ARHGAP21: variants seen among roughly 807,000 people sequenced by gnomAD.
ARHGAP21 encodes Rho GTPase activating protein 21, also known as rho GTPase-activating protein 21.
In ARHGAP21, 38 loss-of-function variants were observed where a neutral mutation model predicts 164.6. That is an observed-to-expected ratio of 0.23 (90% CI 0.18 to 0.30). The LOEUF is 0.30. ARHGAP21 is among the 10% of genes least tolerant of loss of function. The pLI, the probability that ARHGAP21 is intolerant of heterozygous loss-of-function variation, is 1.00. For missense variants in ARHGAP21, 1,822 were observed against 2,370.7 expected, an observed-to-expected ratio of 0.77 and a Z score of 4.81; for synonymous variants, 766 against 857.9, an observed-to-expected ratio of 0.89 and a Z score of 1.87.
intron 4 of ARHGAP21, among the ~76,000 whole-genome samples, chr10:24,664,777 T>G (rs1345715418): frequency 6.6e-6 from 1 of 152,086 alleles, no homozygotes; most frequent in East Asian, 1.9e-4. Flanking sequence ...TGTTATCTTC[T>G]CCAGCAGATT....
rs772618504 is a variant in ARHGAP21, at chr10:24,607,868, C to T, written c.2458G>A (p.Ala820Thr). Residue 820 changes from alanine (A) to threonine (T), a missense_variant, in exon 10 of 26, where the codon GCA (alanine) becomes ACA (threonine). Ala to Thr is a moderately conservative substitution (Grantham distance 58). This residue lies in a region of ARHGAP21 where 1,090 missense variants were observed against 1,378.9 expected (regional missense o/e 0.79). Coordinates refer to ENST00000396432, the MANE Select transcript of ARHGAP21 (RefSeq NM_020824.4). ...PTSPSIDHDI[A>T]HIPASAVISA... ...ATAACAGCAGAGGCAGGGATATGTG[C>T]AATATCATGATCAATGCTAGGGCTA... The T allele has an allele frequency of 7.4e-6, 12 of 1,613,496 alleles. No homozygotes were observed. Among genetic ancestry groups the T allele is most frequent in the Non-Finnish European group, 1.0e-5 (12 of 1,179,822 alleles).
chr10:24,595,204 C>G lies in ARHGAP21; in HGVS notation c.3713-14G>C. 1 of 1,599,086 alleles carries G rather than the reference C, an allele frequency of 6.3e-7. No individual in the cohort carries two copies. Among genetic ancestry groups the G allele is most frequent in the Non-Finnish European group, 8.5e-7 (1 of 1,171,600 alleles). On this transcript the variant is annotated splice_polypyrimidine_tract_variant and intron_variant, in intron 19 of 25. Coordinates refer to ENST00000396432, the MANE Select transcript of ARHGAP21 (RefSeq NM_020824.4). ...CAGCATATTTATCTGACGACAAGAA[C>G]AATAAAACAAATTTATCTTAAATTG... is the stretch of plus-strand genomic sequence containing the variant.
chr10:24,596,641 T>C (rs969208126), intron 17 of ARHGAP21, 99 bp downstream of exon 17: 20 of 1,509,122 alleles, frequency 1.3e-5, no homozygotes, highest in Non-Finnish European at 1.6e-5. Flanking sequence ...GAAAACAGAT[T>C]GACAGTCTCT....
intron 4 of ARHGAP21, among the ~76,000 whole-genome samples, chr10:24,650,753 C>T (rs1263486047): frequency 1.3e-5 from 2 of 152,100 alleles, no homozygotes; most frequent in East Asian, 1.9e-4. Flanking sequence ...AAAAGCTAGA[C>T]GATGTATAAC....
intron 24 of ARHGAP21, chr10:24,590,248 A>G (rs2076274322): frequency 6.7e-7 from 1 of 1,481,522 alleles, no homozygotes; most frequent in African/African-American, 1.4e-5. Flanking sequence ...ATAACAAGAA[A>G]CAGCAGAAAA....
chr10:24,708,432 T>C (rs897945094), intron 2 of ARHGAP21, among the ~76,000 whole-genome samples: 3 of 152,246 alleles, frequency 2.0e-5, no homozygotes, highest in African/African-American at 7.2e-5. Flanking sequence ...AACTCTATTA[T>C]TATTATTTGT....
intron 2 of ARHGAP21, among the ~76,000 whole-genome samples, chr10:24,675,214 A>C (rs1841096933): frequency 6.6e-6 from 1 of 152,248 alleles, no homozygotes; most frequent in African/African-American, 2.4e-5. Flanking sequence ...TGACACAGCC[A>C]AACAACAGAA....
At chr10:24,604,592 G>C (rs2076948836) in intron 11 of ARHGAP21, among the ~76,000 whole-genome samples, 2 of 151,920 alleles carry the variant, frequency 1.3e-5, no homozygotes. Context: ...TGAAGTGTGG[G>C]ATTTTCTTTT....
rs1277959947 is a variant in ARHGAP21, at chr10:24,667,000, TTTC to T, written c.250_252del (p.Glu84del). 7.0e-7 allele frequency: 1 copy of T among 1,419,804 alleles called. No individual in the cohort carries two copies. The highest frequency in any genetic ancestry group is 9.7e-7 in the Non-Finnish European group (1 of 1,034,104). The allele number at this position is 1,419,804 out of a possible 1,614,324, so 88.0% of individuals were successfully genotyped here. The stretch of plus-strand genomic sequence containing the variant: ...TATAGCATACCTCCTCTGTTTCCAT[TTTC>T]TTCATCCTACAAATGAAAATATATA... On this transcript the variant is annotated inframe_deletion, in exon 4 of 26. Transcript: ENST00000396432.
At chr10:24,684,012 C>T (rs374727007) in intron 2 of ARHGAP21, among the ~76,000 whole-genome samples, 2 of 152,320 alleles carry the variant, frequency 1.3e-5, no homozygotes, top group South Asian at 4.1e-4. Flanking sequence ...CTAGGCCAGG[C>T]ATGGTGGCTC....
rs550671174 is a variant in ARHGAP21 at position 24,706,033 on chromosome 10, T to A, written c.63+15804A>T. Among the ~76,000 whole-genome samples, 7 of 152,190 alleles carry A rather than the reference T, an allele frequency of 4.6e-5. No individual in the cohort carries two copies. In the South Asian group the frequency reaches 1.5e-3, roughly 32 times the overall value. On this transcript the variant is annotated intron_variant, in intron 2 of 25. Transcript: ENST00000396432. The stretch of plus-strand genomic sequence containing the variant: ...AACCATTTTCTAAACAGACTAGTAA[T>A]CAAAAAAGTTTTAAAAAGTACTTCC...
intron 2 of ARHGAP21, among the ~76,000 whole-genome samples, chr10:24,678,254 A>C (rs1184222403): frequency 6.6e-6 from 1 of 152,182 alleles, no homozygotes; most frequent in Non-Finnish European, 1.5e-5. Flanking sequence ...CGTGTTATTC[A>C]TATTTCTCCA....
In ARHGAP21 at chr10:24,619,603, C is replaced by G. The variant is rs1393983534; in HGVS notation, c.2292G>C (p.Glu764Asp). 1.2e-6 allele frequency: 2 copies of G among 1,614,160 alleles called. No individual in the cohort carries two copies. The highest frequency in any genetic ancestry group is 2.2e-5 in the East Asian group (1 of 44,868). The change falls in exon 9 of 26, where the codon GAG (glutamate) becomes GAC (aspartate). Residue 764 changes from glutamate to aspartate, a missense_variant. Coordinates refer to ENST00000396432, the MANE Select transcript of ARHGAP21 (RefSeq NM_020824.4). ...QSYILAVNDQ[E>D]TGSDTTCWLP... ...GCCAGCAGGTAGTGTCTGACCCGGT[C>G]TCCTGGTCATTTACTGCCAAGATGT...
chr10:24,637,217 T>A (rs1343288877), intron 4 of ARHGAP21, among the ~76,000 whole-genome samples: 15 of 152,250 alleles, frequency 9.9e-5, no homozygotes, highest in Admixed American at 9.8e-4. Context: ...CTCTGCTGTA[T>A]TCAAGTAGAC....
intron 3 of ARHGAP21, among the ~76,000 whole-genome samples, chr10:24,667,941 A>G (rs544796660): frequency 2.6e-4 from 40 of 152,354 alleles, no homozygotes; most frequent in African/African-American, 9.4e-4. Context: ...ATTCCAATAT[A>G]TATTTTCCAT....
At chr10:24,623,280 T>C (rs1447382718) in intron 7 of ARHGAP21, among the ~76,000 whole-genome samples, 1 of 152,220 alleles carries the variant, frequency 6.6e-6, no homozygotes, top group East Asian at 1.9e-4. Flanking sequence ...AATGACTTCT[T>C]TTAAGTAAGT....
intron 4 of ARHGAP21, among the ~76,000 whole-genome samples, chr10:24,637,217 T>C (rs1343288877): frequency 6.6e-6 from 1 of 152,368 alleles, no homozygotes; most frequent in East Asian, 1.9e-4. Flanking sequence ...CTCTGCTGTA[T>C]TCAAGTAGAC....
At chr10:24,663,778 CT>C (rs1171867348) in intron 4 of ARHGAP21, among the ~76,000 whole-genome samples, 1 of 152,182 alleles carries the variant, frequency 6.6e-6, no homozygotes, top group Non-Finnish European at 1.5e-5. Context: ...ATCTGCCCGC[CT>C]CAGCCTTCCA....
intron 4 of ARHGAP21, among the ~76,000 whole-genome samples, chr10:24,656,546 G>A (rs1438167376): frequency 9.2e-5 from 7 of 76,224 alleles, no homozygotes; most frequent in South Asian, 5.6e-4. Flanking sequence ...CCGGCCAGCC[G>A]CCCTGTCCGG....
Sources: allele counts gnomAD v4.1 joint callset (sites outside exome capture counted in the v4.1 genomes callset), GRCh38; gene constraint gnomAD v4.1.1; regional missense constraint gnomAD v4.1.1; transcripts MANE v1.5; gene names NCBI Gene and HGNC (gene_info 2026-07-23, HGNC 2026-07-21).